Variants in CHODL observed in about 807,000 individuals in gnomAD.
The protein encoded by CHODL is chondrolectin.
In CHODL, 29 loss-of-function variants were observed where a neutral mutation model predicts 34.5. That is an observed-to-expected ratio of 0.84 (90% confidence interval 0.63 to 1.15). The LOEUF (loss-of-function observed/expected upper bound fraction) is 1.15, where lower values mean the gene tolerates loss of function less well. Ranked by LOEUF, CHODL falls within the 50% of genes most tolerant of loss-of-function variation. CHODL has a pLI of 0.00. For synonymous variants in CHODL, 125 were observed against 116.1 expected, an observed-to-expected ratio of 1.08 and a Z score of -0.49; for missense variants, 332 against 332.5, an observed-to-expected ratio of 1.00 and a Z score of 0.01.
At chr21:18,010,487 A>G (rs1003814159) in intron 1 of CHODL, among the ~76,000 whole-genome samples, 5 of 152,132 alleles carry the variant, frequency 3.3e-5, no homozygotes, top group African/African-American at 1.2e-4. Flanking sequence ...TCTGTGTCCC[A>G]TGTTTAAACA....
At chr21:18,145,430 C>T (rs1263690935) in intron 2 of CHODL, among the ~76,000 whole-genome samples, 1 of 109,596 alleles carries the variant, frequency 9.1e-6, no homozygotes, top group African/African-American at 4.4e-5. Context: ...AGTGAGACTA[C>T]CTTTCAAAAA....
chr21:18,041,920 G>A (rs141896136), intron 2 of CHODL, among the ~76,000 whole-genome samples: 46 of 151,880 alleles, frequency 3.0e-4, no homozygotes, highest in Middle Eastern at 3.4e-3. Flanking sequence ...ATATGAGAAA[G>A]CGTTTGTAGT....
intron 1 of CHODL, among the ~76,000 whole-genome samples, chr21:18,009,059 T>C (rs1359367559): frequency 1.3e-5 from 2 of 152,226 alleles, no homozygotes; most frequent in African/African-American, 2.4e-5. Context: ...GCAAACTATA[T>C]GGTACATTGA....
chr21:18,170,141 T>A (rs2073209879), intron 2 of CHODL, among the ~76,000 whole-genome samples: 1 of 152,040 alleles, frequency 6.6e-6, no homozygotes, highest in South Asian at 2.1e-4. Context: ...TTTTTTTATG[T>A]CTTTCTGATG....
chr21:17,995,480 G>C (rs2063840284), intron 1 of CHODL, among the ~76,000 whole-genome samples: 1 of 152,206 alleles, frequency 6.6e-6, no homozygotes, highest in African/African-American at 2.4e-5. Flanking sequence ...AGCACTCCCT[G>C]TCACTTCCCT....
At chr21:18,218,546 C>A (rs900194740) in intron 2 of CHODL, among the ~76,000 whole-genome samples, 12 of 152,164 alleles carry the variant, frequency 7.9e-5, no homozygotes, top group Admixed American at 2.6e-4. Context: ...CCCTGACATA[C>A]CCTGGAGACA....
intron 2 of CHODL, among the ~76,000 whole-genome samples, chr21:18,141,113 A>C (rs1474125855): frequency 4.6e-5 from 7 of 152,136 alleles, no homozygotes; most frequent in Non-Finnish European, 8.8e-5. Context: ...AAGCATAAAA[A>C]GGAAAAGATC....
intron 2 of CHODL, among the ~76,000 whole-genome samples, chr21:18,174,818 A>T (rs1375320824): frequency 6.6e-6 from 1 of 152,212 alleles, no homozygotes; most frequent in African/African-American, 2.4e-5. Context: ...GGTTTTGCAG[A>T]TCAAACCAAA....
chr21:18,061,185 A>G (rs2146484759), intron 2 of CHODL, among the ~76,000 whole-genome samples: 1 of 152,324 alleles, frequency 6.6e-6, no homozygotes, highest in East Asian at 1.9e-4. Context: ...CTATGCCAGA[A>G]AGCGAAAAGC....
chr21:18,041,694 C>T (rs985057624), intron 2 of CHODL, among the ~76,000 whole-genome samples: 6 of 151,792 alleles, frequency 4.0e-5, no homozygotes, highest in African/African-American at 1.5e-4. Context: ...ATGGAATAGG[C>T]TCAATTTAAA....
intron 2 of CHODL, among the ~76,000 whole-genome samples, chr21:18,067,842 A>G (rs2064749734): frequency 6.6e-6 from 1 of 152,178 alleles, no homozygotes; most frequent in Non-Finnish European, 1.5e-5. Context: ...ATTATCACGC[A>G]ACAGTCTAGC....
chr21:18,260,079 G>A (rs895852008), intron 3 of CHODL, 121 bp from the exon 4 acceptor site: 1 of 322,994 alleles, frequency 3.1e-6, no homozygotes, highest in Non-Finnish European at 5.4e-6. Context: ...TTTATTAGCT[G>A]TAAGCTGTTC....
intron 1 of CHODL, among the ~76,000 whole-genome samples, chr21:18,005,956 A>C (rs1226140831): frequency 6.6e-6 from 1 of 152,092 alleles, no homozygotes; most frequent in African/African-American, 2.4e-5. Flanking sequence ...CATGGGGGGA[A>C]CCCACGGGGA....
chr21:17,973,087 A>G (rs977118382), intron 1 of CHODL, among the ~76,000 whole-genome samples: 1 of 152,218 alleles, frequency 6.6e-6, no homozygotes, highest in Middle Eastern at 3.2e-3. Context: ...CTGGCTAGCC[A>G]TATGTAGAAA....
At chr21:18,145,638 G>A (rs919881298) in intron 2 of CHODL, among the ~76,000 whole-genome samples, 2 of 152,100 alleles carry the variant, frequency 1.3e-5, no homozygotes. Flanking sequence ...AAGAAAGCTT[G>A]ATATCCTGTC....
At chr21:17,974,420 G>A (rs369240286) in intron 1 of CHODL, among the ~76,000 whole-genome samples, 94 of 151,988 alleles carry the variant, frequency 6.2e-4, no homozygotes, top group African/African-American at 2.2e-3. Flanking sequence ...TTACAGGCTC[G>A]TGCCACCACA....
intron 1 of CHODL, among the ~76,000 whole-genome samples, chr21:18,026,681 A>C (rs1293852051): frequency 2.0e-5 from 3 of 152,174 alleles, no homozygotes; most frequent in Non-Finnish European, 4.4e-5. Flanking sequence ...TTCACATGCC[A>C]AAATTGGTTC....
chr21:18,254,649 A>G (rs762036915), intron 1 of CHODL, among the ~76,000 whole-genome samples: 2 of 152,280 alleles, frequency 1.3e-5, no homozygotes, highest in African/African-American at 4.8e-5. Context: ...TCCATTGCTT[A>G]TAGAACTAGC....
chr21:18,149,767 C>T (rs1260786509), intron 2 of CHODL, among the ~76,000 whole-genome samples: 1 of 152,172 alleles, frequency 6.6e-6, no homozygotes, highest in Non-Finnish European at 1.5e-5. Flanking sequence ...AGGACACTGG[C>T]TAACTGGGAT....
Sources: allele counts gnomAD v4.1 joint callset (sites outside exome capture counted in the v4.1 genomes callset), GRCh38; gene constraint gnomAD v4.1.1; transcripts MANE v1.5; gene names NCBI Gene and HGNC (gene_info 2026-07-23, HGNC 2026-07-21).